Variants in GTF3C1 observed in about 807,000 individuals in gnomAD.
GTF3C1 encodes the protein general transcription factor 3C polypeptide 1.
GTF3C1 carries 57 observed loss-of-function variants against 226.7 expected under a neutral mutation model. That is an observed-to-expected ratio of 0.25 (90% CI 0.20 to 0.31). GTF3C1 has a LOEUF of 0.31. Among genes scored for constraint, GTF3C1 ranks in the 10% least tolerant of loss-of-function variants. The pLI, the probability that GTF3C1 is intolerant of heterozygous loss-of-function variation, is 1.00. For missense variants in GTF3C1, 2,217 were observed against 2,776.1 expected (o/e 0.80, Z 4.53); for synonymous variants, 1,090 against 1,084.8 (o/e 1.00, Z -0.09).
intron 6 of GTF3C1, 118 bp from the exon 7 acceptor site, chr16:27,512,019 C>T (rs971576135): frequency 7.5e-6 from 8 of 1,072,666 alleles, no homozygotes; most frequent in East Asian, 2.5e-5. Context: ...CCACAAAGGT[C>T]ACACATATCA....
chr16:27,514,917 G>C (rs1441825259), intron 6 of GTF3C1, among the ~76,000 whole-genome samples: 1 of 152,116 alleles, frequency 6.6e-6, no homozygotes, highest in Non-Finnish European at 1.5e-5. Flanking sequence ...AGGGACGCTG[G>C]CTTCTGCCTG....
rs747243597 is a variant in GTF3C1, at chr16:27,505,979, C to G, written c.1690G>C (p.Val564Leu). The G allele has an allele frequency of 1.2e-6, 2 of 1,613,476 alleles. No homozygotes were observed. The highest frequency in any genetic ancestry group is 1.1e-5 in the South Asian group (1 of 91,068). ...LDTSSVSEPN[V>L]SFVSHCADSN... ...TCCGCACAGTGGGAGACAAAGGACACGTTGGGTTCTGAGACGCTGCTGGTA... is the reference window on the plus strand; with the variant it reads ...TCCGCACAGTGGGAGACAAAGGACAGGTTGGGTTCTGAGACGCTGCTGGTA... Residue 564 changes from valine (V) to leucine (L), a missense_variant, in exon 10 of 37, where the codon GTG becomes CTG. By Grantham distance (32) the Val-to-Leu change is conservative. Coordinates refer to ENST00000356183, the MANE Select transcript of GTF3C1 (RefSeq NM_001520.4).
chr16:27,518,170 C>T (rs2088690202), intron 6 of GTF3C1, among the ~76,000 whole-genome samples: 1 of 151,900 alleles, frequency 6.6e-6, no homozygotes, highest in African/African-American at 2.4e-5. Flanking sequence ...GTGTTACCTC[C>T]CCACCACCCC....
At chr16:27,537,714 A>T in intron 4 of GTF3C1, 70 bp downstream of exon 4, 1 of 1,141,366 alleles carries the variant, frequency 8.8e-7, no homozygotes, top group Non-Finnish European at 1.3e-6. Flanking sequence ...AGCTGCCCCT[A>T]CAATTTTTAA....
In GTF3C1 at chr16:27,480,104, G is replaced by A. The variant is rs528408403; in HGVS notation, c.4196+975C>T. ...TAGTCCCAGCTACTGGGCAGGCTGAGGCAGGAGAATGACGTGAACCTGGGA... is the reference window on the plus strand; with the variant it reads ...TAGTCCCAGCTACTGGGCAGGCTGAAGCAGGAGAATGACGTGAACCTGGGA... On this transcript the variant is annotated intron_variant, in intron 27 of 36. Coordinates refer to ENST00000356183, the MANE Select transcript of GTF3C1 (RefSeq NM_001520.4). Among the ~76,000 whole-genome samples, 1,107 of 151,848 alleles carry A rather than the reference G, an allele frequency of 7.3e-3. 6 individuals are homozygous for A. The highest frequency in any genetic ancestry group is 9.0e-3 in the Non-Finnish European group (611 of 67,966).
At chr16:27,527,889 G>A (rs1298501750) in intron 6 of GTF3C1, among the ~76,000 whole-genome samples, 16 of 151,716 alleles carry the variant, frequency 1.1e-4, no homozygotes, top group Admixed American at 9.2e-4. Flanking sequence ...CGGGAGGATC[G>A]TTTGAGCCCA....
chr16:27,475,850 G>A (rs1226772466), intron 29 of GTF3C1, among the ~76,000 whole-genome samples: 3 of 152,184 alleles, frequency 2.0e-5, no homozygotes, highest in Non-Finnish European at 4.4e-5. Flanking sequence ...AAGCTATGCC[G>A]TATAGCTCAA....
In GTF3C1 at chr16:27,471,897, G is replaced by A; in HGVS notation, c.4377C>T (p.Tyr1459=). Residue 1459 remains tyrosine (Y), a synonymous_variant, in exon 30 of 37, where the codon TAC becomes TAT. Coordinates refer to ENST00000356183, the MANE Select transcript of GTF3C1 (RefSeq NM_001520.4). This position sits in a 1 kb window ranked among gnomAD's most constrained non-coding sequence, Gnocchi z 5.0. The stretch of plus-strand genomic sequence containing the variant: ...AGGCCTTCACAAGAACGTGGTCCTT[G>A]TACTCCCGATAGAGGCGGAAAGTCT... ...SFQTFRLYRE[Y]KDHVLVKAFM... is the part of the protein sequence containing the mutation. The A allele has an allele frequency of 6.2e-7, 1 of 1,614,148 alleles. No homozygotes were observed. The highest frequency in any genetic ancestry group is 8.5e-7 in the Non-Finnish European group (1 of 1,180,016).
intron 6 of GTF3C1, among the ~76,000 whole-genome samples, chr16:27,512,643 A>G (rs2088592755): frequency 6.6e-6 from 1 of 152,236 alleles, no homozygotes; most frequent in Non-Finnish European, 1.5e-5. Context: ...TGATGCATCT[A>G]TATTGCAACC....
chr16:27,473,426 A>G (rs774083310), intron 29 of GTF3C1, among the ~76,000 whole-genome samples: 14 of 152,248 alleles, frequency 9.2e-5, no homozygotes, highest in Non-Finnish European at 1.5e-4. Context: ...AGCATTTGCC[A>G]TCCTCTGAGA....
intron 4 of GTF3C1, among the ~76,000 whole-genome samples, chr16:27,534,388 T>TA (rs1275725291): frequency 2.6e-5 from 4 of 152,158 alleles, no homozygotes; most frequent in African/African-American, 9.7e-5. Context: ...TGGCTTGACT[T>TA]ACAGTCCTAG....
intron 9 of GTF3C1, among the ~76,000 whole-genome samples, 199 bp from the exon 10 acceptor site, chr16:27,506,315 TG>T (rs1373476901): frequency 6.6e-6 from 1 of 152,154 alleles, no homozygotes; most frequent in Non-Finnish European, 1.5e-5. Flanking sequence ...TGGCCAGTGC[TG>T]ATGTCTGGGC....
Position 27,461,389 on chromosome 16 carries a change from G to A in GTF3C1, c.6291C>T (p.Phe2097=), listed in dbSNP as rs754147282. Residue 2097 remains phenylalanine, a synonymous_variant, in exon 37 of 37, where the codon TTC becomes TTT. Transcript: ENST00000356183. This position sits in a 1 kb window ranked among gnomAD's most constrained non-coding sequence, Gnocchi z 5.3. ...ACTTGTTCCAGTTGACCTCGTGGGG[G>A]AACACACGGCCCAGCCGGAGGGTAC... ...LDCTLRLGRV[F]PHEVNWNKWI... is the part of the protein sequence containing the mutation. 1 of 1,613,458 alleles carries A rather than the reference G, an allele frequency of 6.2e-7. No homozygotes were observed. The highest frequency in any genetic ancestry group is 8.5e-7 in the Non-Finnish European group (1 of 1,179,516).
Position 27,461,686 on chromosome 16 carries a change from T to A in GTF3C1, c.6118-124A>T. On this transcript the variant is annotated intron_variant, in intron 36 of 36. Coordinates refer to ENST00000356183, the MANE Select transcript of GTF3C1 (RefSeq NM_001520.4). This position sits in a 1 kb window ranked among gnomAD's most constrained non-coding sequence, Gnocchi z 5.3. ...GCCACTTCCCAGAGCAGGGGGCACCTGAACTGGGCATGAGGCAGATGGGGA... is the reference window on the plus strand; with the variant it reads ...GCCACTTCCCAGAGCAGGGGGCACCAGAACTGGGCATGAGGCAGATGGGGA... 1 of 709,264 alleles carries A rather than the reference T, an allele frequency of 1.4e-6. No homozygotes were observed. The highest frequency in any genetic ancestry group is 2.4e-6 in the Non-Finnish European group (1 of 414,806). The allele number at this position is 709,264 out of a possible 1,614,324, so 43.9% of individuals were successfully genotyped here. A position where few individuals can be genotyped will look rare whatever the true frequency, so the allele number is the denominator to read the frequency against.
At chr16:27,533,511 T>G (rs1423853754) in intron 4 of GTF3C1, 124 bp from the exon 5 acceptor site, 1 of 627,800 alleles carries the variant, frequency 1.6e-6, no homozygotes, top group Non-Finnish European at 2.9e-6. Flanking sequence ...TAACAGAATC[T>G]TTTAGGTCTC....
chr16:27,516,467 T>C (rs2088660557), intron 6 of GTF3C1, among the ~76,000 whole-genome samples: 1 of 152,226 alleles, frequency 6.6e-6, no homozygotes, highest in South Asian at 2.1e-4. Flanking sequence ...CGGCTCTGCC[T>C]GCCCCACAGG....
At position 27,489,690 on chromosome 16, in the gene GTF3C1, C is replaced by T. The variant is rs1165925220; in HGVS notation, c.3205G>A (p.Asp1069Asn). The T allele has an allele frequency of 3.1e-6, 5 of 1,612,060 alleles. No individual in the cohort carries two copies. The highest frequency in any genetic ancestry group is 3.4e-6 in the Non-Finnish European group (4 of 1,179,660). The change falls in exon 20 of 37, where the codon GAC (aspartate) becomes AAC (asparagine). Residue 1069 changes from aspartate (D) to asparagine (N), a missense_variant. Physicochemically the swap from Asp to Asn is conservative, Grantham distance 23. This residue lies in a region of GTF3C1 where 353 missense variants were observed against 411.7 expected (regional missense o/e 0.86). Transcript: ENST00000356183. ...TCCTTCTGCAGGCTGCCCTCCTCGT[C>T]GCTGCCCTGGTCTGTGCTGCTGTTC... The part of the protein sequence containing the change: ...RKNSSTDQGS[D>N]EEGSLQKEQE...
Position 27,462,383 on chromosome 16 carries a change from T to C in GTF3C1, c.6028A>G (p.Ile2010Val). The change falls in exon 36 of 37, where the codon ATC (isoleucine) becomes GTC (valine). Residue 2010 changes from isoleucine (I) to valine (V), a missense_variant. Ile to Val is a conservative substitution (Grantham distance 29, BLOSUM62 3). Transcript: ENST00000356183. The surrounding 1 kb of genome is among the most constrained non-coding windows in gnomAD (Gnocchi z 4.5). The part of the protein sequence containing the change: ...KGMMEAMLYH[I>V]MTRPGIPESS... ...TCGGGGATGCCAGGCCTGGTCATGATGTGGTACAGCATGGCCTCCATCATA... is the reference window on the plus strand; with the variant it reads ...TCGGGGATGCCAGGCCTGGTCATGACGTGGTACAGCATGGCCTCCATCATA... 3 of 1,606,374 alleles carry C rather than the reference T, an allele frequency of 1.9e-6. No individual in the cohort carries two copies. Among genetic ancestry groups the C allele is most frequent in the Non-Finnish European group, 8.5e-7 (1 of 1,176,526 alleles).
chr16:27,523,541 TG>T (rs1257606940), intron 6 of GTF3C1, among the ~76,000 whole-genome samples: 1 of 152,126 alleles, frequency 6.6e-6, no homozygotes, highest in Admixed American at 6.5e-5. Flanking sequence ...AAAAAAACCC[TG>T]AAAACTGCCT....
Sources: gnomAD v4.1 joint callset for allele counts (sites outside exome capture counted in the v4.1 genomes callset) on GRCh38, gnomAD v4.1.1 for gene constraint, gnomAD v4.1.1 regional missense constraint, Gnocchi (gnomAD v3.1) non-coding constraint, MANE v1.5 for transcripts, NCBI Gene and HGNC (gene_info 2026-07-23, HGNC 2026-07-21) for gene names.